CERS6: variants seen among roughly 807,000 people sequenced by gnomAD.
CERS6 encodes LAG1 homolog, ceramide synthase 6.
Under a neutral mutation model 56.8 loss-of-function variants are expected in CERS6, and 26 were observed. That is an observed-to-expected ratio of 0.46 (90% CI 0.34 to 0.63). The LOEUF (loss-of-function observed/expected upper bound fraction) is 0.63. Among genes scored for constraint, CERS6 ranks in the 30% least tolerant of loss-of-function variants. The probability of loss-of-function intolerance (pLI) is 0.01; values close to 1 mark genes in which losing one functional copy is unlikely to be tolerated. For synonymous variants in CERS6, 164 were observed against 173.3 expected (o/e 0.95, Z 0.42); for missense variants, 415 against 467.5 (o/e 0.89, Z 1.04).
chr2:168,765,992 C>T (rs1368035925), intron 9 of CERS6, among the ~76,000 whole-genome samples: 3 of 152,038 alleles, frequency 2.0e-5, no homozygotes, highest in South Asian at 2.1e-4. Flanking sequence ...TTGTTGTGTT[C>T]GCTCTCCCTC....
intron 3 of CERS6, among the ~76,000 whole-genome samples, chr2:168,581,509 G>A (rs775662199): frequency 6.6e-6 from 1 of 152,076 alleles, no homozygotes; most frequent in Non-Finnish European, 1.5e-5. Flanking sequence ...CCATATGTTA[G>A]ATGTCATCTG....
At chr2:168,716,010 CT>C (rs1426664721) in intron 7 of CERS6, among the ~76,000 whole-genome samples, 1 of 151,938 alleles carries the variant, frequency 6.6e-6, no homozygotes, top group Admixed American at 6.6e-5. Flanking sequence ...TGAATGTAGA[CT>C]AGACATGCCC....
At chr2:168,594,791 A>C (rs1403408096) in intron 3 of CERS6, among the ~76,000 whole-genome samples, 1 of 152,086 alleles carries the variant, frequency 6.6e-6, no homozygotes, top group Non-Finnish European at 1.5e-5. Context: ...CCCCTGTGGA[A>C]CTAATAATGA....
chr2:168,528,615 C>A (rs1343418356), intron 1 of CERS6, among the ~76,000 whole-genome samples: 1 of 101,272 alleles, frequency 9.9e-6, no homozygotes, highest in Non-Finnish European at 2.3e-5. Flanking sequence ...CCAGTGCTGA[C>A]ATAAGGGAGT....
chr2:168,676,346 G>T (rs1399638198), intron 4 of CERS6, among the ~76,000 whole-genome samples: 1 of 151,950 alleles, frequency 6.6e-6, no homozygotes, highest in East Asian at 1.9e-4. Flanking sequence ...TCATGCATTG[G>T]TCATTTGGAA....
intron 1 of CERS6, among the ~76,000 whole-genome samples, chr2:168,519,882 A>G (rs1694947458): frequency 6.6e-6 from 1 of 152,206 alleles, no homozygotes; most frequent in Non-Finnish European, 1.5e-5. Flanking sequence ...TAGTGCTGTG[A>G]TGAACATACA....
At chr2:168,657,142 G>T (rs1685499040) in intron 4 of CERS6, among the ~76,000 whole-genome samples, 1 of 152,166 alleles carries the variant, frequency 6.6e-6, no homozygotes, top group African/African-American at 2.4e-5. Context: ...TCACCGATTG[G>T]TGCAGTCACA....
At chr2:168,690,907 T>C (rs1484030736) in intron 4 of CERS6, 127 bp from the exon 5 acceptor site, 2 of 753,840 alleles carry the variant, frequency 2.7e-6, no homozygotes, top group Non-Finnish European at 4.5e-6. Flanking sequence ...GTTTTAAAGT[T>C]TGTCAGTTCT....
intron 3 of CERS6, among the ~76,000 whole-genome samples, chr2:168,573,768 A>G (rs1683179406): frequency 6.6e-6 from 1 of 151,934 alleles, no homozygotes; most frequent in African/African-American, 2.4e-5. Flanking sequence ...GTGGAGCAGG[A>G]GTAGGTGAGG....
At position 168,769,682 on chromosome 2, in the gene CERS6, C is replaced by T. The variant is rs1164141474; in HGVS notation, c.*20C>T. 3 of 1,605,992 alleles carry T rather than the reference C, an allele frequency of 1.9e-6. No individual in the cohort carries two copies. Among genetic ancestry groups the T allele is most frequent in the Admixed American group, 1.7e-5 (1 of 58,236 alleles). Reference sequence around the variant, plus strand: ...GATTAATTACTCAAAACTACAAGTCCCAAGCAAAGTGAACTATTTGTTCCT... The same window carrying T: ...GATTAATTACTCAAAACTACAAGTCTCAAGCAAAGTGAACTATTTGTTCCT... On this transcript the variant is annotated 3_prime_UTR_variant, in exon 10 of 10. Transcript: ENST00000305747.
rs1559089430 is a variant in CERS6 at position 168,772,750 on chromosome 2, T to C, written c.*3088T>C. 6.6e-6 allele frequency: 1 copy of C among 152,624 alleles called. No individual in the cohort carries two copies. The highest frequency in any genetic ancestry group is 1.5e-5 in the Non-Finnish European group (1 of 68,026). The allele number at this position is 152,624 out of a possible 1,614,324, so 9.5% of individuals were successfully genotyped here. A position where few individuals can be genotyped will look rare whatever the true frequency, so the allele number is the denominator to read the frequency against. On this transcript the variant is annotated 3_prime_UTR_variant, in exon 10 of 10. Coordinates refer to ENST00000305747, the MANE Select transcript of CERS6 (RefSeq NM_203463.3). ...TTTTGGATTATTCAAGTGTATGTGG[T>C]AAAAATGCAGATGATTGCTGCTTTA...
rs140253213 is a variant in CERS6 at position 168,703,813 on chromosome 2, G to A, written c.609+8762G>A. On this transcript the variant is annotated intron_variant, in intron 6 of 9. Transcript: ENST00000305747. ...TATGCAACTTCTCATGATTGGAATT[G>A]CAATATTCTGCCCTTGAAGTTCAGT... 2.5e-3 allele frequency among the ~76,000 whole-genome samples: 382 copies of A among 152,202 alleles called. 1 individual carries two copies. The highest frequency in any genetic ancestry group is 8.6e-3 in the African/African-American group (358 of 41,536).
intron 1 of CERS6, among the ~76,000 whole-genome samples, chr2:168,529,744 A>G (rs1042884780): frequency 2.6e-5 from 4 of 152,180 alleles, no homozygotes; most frequent in Admixed American, 6.5e-5. Flanking sequence ...AGTGATGATA[A>G]TATCTATTTG....
At chr2:168,538,541 G>C (rs182954410) in intron 1 of CERS6, among the ~76,000 whole-genome samples, 1 of 152,128 alleles carries the variant, frequency 6.6e-6, no homozygotes, top group Non-Finnish European at 1.5e-5. Flanking sequence ...TTAAATGACA[G>C]CCCTACCTAG....
chr2:168,762,117 ACCTGTGTTAC>A (rs1174417937), intron 8 of CERS6, among the ~76,000 whole-genome samples: 1 of 152,122 alleles, frequency 6.6e-6, no homozygotes, highest in Admixed American at 6.5e-5. Context: ...GCACATGTAT[ACCTGTGTTAC>A]AAACCTGCAC....
intron 3 of CERS6, among the ~76,000 whole-genome samples, chr2:168,607,874 G>A (rs542820490): frequency 1.1e-4 from 16 of 152,306 alleles, no homozygotes; most frequent in African/African-American, 3.4e-4. Context: ...GGCTCACACG[G>A]AATGGAACAT....
At chr2:168,497,516 C>T (rs1694494777) in intron 1 of CERS6, among the ~76,000 whole-genome samples, 1 of 152,122 alleles carries the variant, frequency 6.6e-6, no homozygotes, top group Admixed American at 6.5e-5. Flanking sequence ...GGAAGAACTC[C>T]CTGGTAAGGT....
chr2:168,611,712 T>C (rs1228427937), intron 3 of CERS6, among the ~76,000 whole-genome samples: 2 of 152,226 alleles, frequency 1.3e-5, no homozygotes, highest in Non-Finnish European at 2.9e-5. Context: ...AGTAGCAATC[T>C]CAAGTGGTTT....
intron 3 of CERS6, among the ~76,000 whole-genome samples, chr2:168,591,485 C>CA (rs1683668902): frequency 6.6e-6 from 1 of 152,328 alleles, no homozygotes; most frequent in South Asian, 2.1e-4. Flanking sequence ...ATGTGTGTCT[C>CA]ACCCTTGAAA....
Sources: gnomAD v4.1 joint callset for allele counts (sites outside exome capture counted in the v4.1 genomes callset) on GRCh38, gnomAD v4.1.1 for gene constraint, MANE v1.5 for transcripts, NCBI Gene and HGNC (gene_info 2026-07-23, HGNC 2026-07-21) for gene names.